Variants in EPB41L4A observed in about 807,000 individuals in gnomAD.
EPB41L4A encodes erythrocyte membrane protein band 4.1 like 4A, also known as band 4.1-like protein 4A.
EPB41L4A carries 100 observed loss-of-function variants against 108.6 expected under a neutral mutation model. The observed-to-expected ratio is 0.92, with a 90% CI of 0.78 to 1.09. The LOEUF (loss-of-function observed/expected upper bound fraction) is 1.09. EPB41L4A is among the 50% of genes least tolerant of loss of function. The pLI is 0.00. For missense variants in EPB41L4A, 1,030 were observed against 842.7 expected (o/e 1.22, Z -2.75); for synonymous variants, 319 against 289.0 (o/e 1.10, Z -1.05).
intron 1 of EPB41L4A, among the ~76,000 whole-genome samples, chr5:112,312,607 A>C (rs1469055038): frequency 6.6e-6 from 1 of 152,238 alleles, no homozygotes; most frequent in Non-Finnish European, 1.5e-5. Flanking sequence ...TTAACTTTTC[A>C]TCTGTCATAC....
At chr5:112,336,040 C>G (rs1756893297) in intron 1 of EPB41L4A, among the ~76,000 whole-genome samples, 1 of 152,198 alleles carries the variant, frequency 6.6e-6, no homozygotes, top group Middle Eastern at 3.4e-3. Context: ...CTACACCAGG[C>G]AAGGAAAGGC....
At chr5:112,221,650 A>G (rs1402106320) in intron 12 of EPB41L4A, among the ~76,000 whole-genome samples, 4 of 152,216 alleles carry the variant, frequency 2.6e-5, no homozygotes, top group African/African-American at 9.6e-5. Flanking sequence ...ATTAGGGGCC[A>G]AGCTTTATTC....
chr5:112,198,345 T>G (rs1369685401), intron 15 of EPB41L4A, among the ~76,000 whole-genome samples: 1 of 152,204 alleles, frequency 6.6e-6, no homozygotes, highest in Non-Finnish European at 1.5e-5. Context: ...CAATGTCATT[T>G]TGATTTGTCA....
At chr5:112,266,074 G>A (rs758298237) in intron 5 of EPB41L4A, among the ~76,000 whole-genome samples, 159 bp downstream of exon 5, 13 of 152,294 alleles carry the variant, frequency 8.5e-5, no homozygotes, top group South Asian at 4.1e-4. Flanking sequence ...TACCTGTTCC[G>A]AAGGAACACT....
intron 11 of EPB41L4A, among the ~76,000 whole-genome samples, chr5:112,237,138 T>C (rs1749398486): frequency 6.6e-6 from 1 of 152,202 alleles, no homozygotes; most frequent in Non-Finnish European, 1.5e-5. Context: ...GCAAGGTTAA[T>C]TTGTAAGGGG....
At chr5:112,229,770 C>T (rs1748733747) in intron 12 of EPB41L4A, among the ~76,000 whole-genome samples, 1 of 152,180 alleles carries the variant, frequency 6.6e-6, no homozygotes, top group East Asian at 1.9e-4. Context: ...AGATGGATCA[C>T]GAGGCCAGGA....
chr5:112,391,457 G>A (rs1168367130), intron 1 of EPB41L4A, among the ~76,000 whole-genome samples: 4 of 152,126 alleles, frequency 2.6e-5, no homozygotes, highest in Non-Finnish European at 4.4e-5. Context: ...TAGCCAATTC[G>A]ATCAAGTGGA....
At chr5:112,345,861 TTTC>T (rs554070420) in intron 1 of EPB41L4A, among the ~76,000 whole-genome samples, 184 of 152,130 alleles carry the variant, frequency 1.2e-3, no homozygotes, top group African/African-American at 4.3e-3. Context: ...TGATTTTTAT[TTTC>T]TTGTTATACT....
At chr5:112,240,637 G>C (rs529304169) in intron 10 of EPB41L4A, 82 bp downstream of exon 10, 9 of 770,592 alleles carry the variant, frequency 1.2e-5, no homozygotes, top group Non-Finnish European at 1.9e-5. Flanking sequence ...CCAAATTTCT[G>C]TTTTAGACAG....
At chr5:112,270,950 A>T (rs1427654510) in intron 4 of EPB41L4A, among the ~76,000 whole-genome samples, 1 of 152,246 alleles carries the variant, frequency 6.6e-6, no homozygotes, top group Non-Finnish European at 1.5e-5. Context: ...TTCTACTTGT[A>T]GAAAGAGTTT....
chr5:112,396,646 A>G (rs1211695208), intron 1 of EPB41L4A, among the ~76,000 whole-genome samples: 2 of 152,158 alleles, frequency 1.3e-5, no homozygotes, highest in Admixed American at 1.3e-4. Context: ...GTACCTGGCT[A>G]TTGGCAAGAA....
intron 1 of EPB41L4A, among the ~76,000 whole-genome samples, chr5:112,361,300 T>A (rs1381189606): frequency 6.6e-6 from 1 of 152,232 alleles, no homozygotes; most frequent in Non-Finnish European, 1.5e-5. Context: ...TGTGCTTTGT[T>A]AAACAGATGC....
intron 1 of EPB41L4A, among the ~76,000 whole-genome samples, chr5:112,387,610 C>T (rs1760652763): frequency 6.6e-6 from 1 of 152,122 alleles, no homozygotes; most frequent in African/African-American, 2.4e-5. Context: ...GCCTGGGAGA[C>T]AGAAAGATTT....
At chr5:112,269,926 A>G (rs939778218) in intron 4 of EPB41L4A, among the ~76,000 whole-genome samples, 1 of 152,122 alleles carries the variant, frequency 6.6e-6, no homozygotes, top group East Asian at 1.9e-4. Flanking sequence ...CTTCCACTCT[A>G]TCTGTACTTA....
At chr5:112,208,584 G>A (rs972489699) in intron 13 of EPB41L4A, among the ~76,000 whole-genome samples, 1 of 152,166 alleles carries the variant, frequency 6.6e-6, no homozygotes, top group African/African-American at 2.4e-5. Flanking sequence ...TAGAGGAGGA[G>A]AGGGGGCAAG....
chr5:112,146,068 T>G (rs1759244117), intron 12 of EPB41L4A: 1 of 445,664 alleles, frequency 2.2e-6, no homozygotes, highest in African/African-American at 2.0e-5. Flanking sequence ...TAGGTGCTAC[T>G]GCCTCTAGGG....
chr5:112,316,554 C>T (rs1561565497), intron 1 of EPB41L4A, among the ~76,000 whole-genome samples: 1 of 152,120 alleles, frequency 6.6e-6, no homozygotes, highest in Non-Finnish European at 1.5e-5. Flanking sequence ...TACCCTCACC[C>T]TCCAGATGAG....
chr5:112,201,963 T>C (rs543184208), intron 15 of EPB41L4A, among the ~76,000 whole-genome samples: 5 of 152,284 alleles, frequency 3.3e-5, no homozygotes, highest in East Asian at 3.9e-4. Flanking sequence ...ATATTTTTCA[T>C]TGGTACTCAG....
At chr5:112,385,037 G>C (rs1210305411) in intron 1 of EPB41L4A, among the ~76,000 whole-genome samples, 3 of 152,144 alleles carry the variant, frequency 2.0e-5, no homozygotes, top group Non-Finnish European at 4.4e-5. Flanking sequence ...GTGACCCTTG[G>C]ATATGGTTTC....
Sources: gnomAD v4.1 joint callset for allele counts (sites outside exome capture counted in the v4.1 genomes callset) on GRCh38, gnomAD v4.1.1 for gene constraint, MANE v1.5 for transcripts, NCBI Gene and HGNC (gene_info 2026-07-23, HGNC 2026-07-21) for gene names.